Variants in EDDM13 observed in about 807,000 individuals in gnomAD.
The protein encoded by EDDM13 is epididymal protein 13.
EDDM13 carries 24 observed loss-of-function variants against 17.8 expected under a neutral mutation model. The ratio of observed to expected loss-of-function variants is 1.35; its 90% CI spans 0.98 to 1.90. The LOEUF is 1.90. Ranked by LOEUF, EDDM13 falls within the 40% of genes most tolerant of loss-of-function variation. The pLI is 0.00. For synonymous variants in EDDM13, 31 were observed against 37.5 expected (o/e 0.83, Z 0.63); for missense variants, 97 against 100.8 (o/e 0.96, Z 0.16).
chr19:56,280,124 C>T (rs1210129896), intron 2 of EDDM13, among the ~76,000 whole-genome samples: 2 of 152,096 alleles, frequency 1.3e-5, no homozygotes, highest in Non-Finnish European at 2.9e-5. Flanking sequence ...CAAGTAGAAA[C>T]AAATGTGTAT....
intron 9 of EDDM13, among the ~76,000 whole-genome samples, chr19:56,293,058 C>T (rs113219471): frequency 0.029 from 4,352 of 152,294 alleles, 70 homozygotes; most frequent in Middle Eastern, 0.071. Flanking sequence ...AGTTCTGAGA[C>T]ACCATCCTGT....
chr19:56,300,887 T>C (rs2040181389), intron 12 of EDDM13, among the ~76,000 whole-genome samples: 2 of 152,310 alleles, frequency 1.3e-5, no homozygotes, highest in African/African-American at 4.8e-5. Context: ...AGAAACACTC[T>C]TGCACCTCAT....
chr19:56,302,516 T>C (rs369396991), intron 13 of EDDM13, among the ~76,000 whole-genome samples: 887 of 70,508 alleles, frequency 0.013, 26 homozygotes, highest in African/African-American at 0.052. Context: ...CTTCTTTCCT[T>C]CCTCCCTCCC....
intron 6 of EDDM13, among the ~76,000 whole-genome samples, chr19:56,286,860 G>A (rs2039163320): frequency 6.6e-6 from 1 of 152,218 alleles, no homozygotes; most frequent in African/African-American, 2.4e-5. Flanking sequence ...GCGAATGCTA[G>A]TGGGGCTTCC....
At position 56,281,748 on chromosome 19, in the gene EDDM13, C is replaced by T. The variant is rs1273294847; in HGVS notation, c.109+50C>T. 7.2e-6 allele frequency: 7 copies of T among 976,786 alleles called. No homozygotes were observed. In the African/African-American group the frequency reaches 1.2e-4, roughly 17 times the overall value. 60.5% of individuals were successfully genotyped at this position (976,786 alleles called of 1,614,324 possible). A position where few individuals can be genotyped will look rare whatever the true frequency, so the allele number is the denominator to read the frequency against. Reference sequence around the variant, plus strand: ...CATAAATGGGGAGCCCGCCCTTCAACCTAGAGAAGGAAGGGAATGAAAGAG... The same window carrying T: ...CATAAATGGGGAGCCCGCCCTTCAATCTAGAGAAGGAAGGGAATGAAAGAG... On this transcript the variant is annotated intron_variant, in intron 3 of 14. Transcript: ENST00000649256.
rs1284918666 is a variant in EDDM13 at position 56,284,204 on chromosome 19, T to C, written c.125T>C (p.Ile42Thr). ...KEKINLLKGI[I>T]GLMSRLSPDG... is the part of the protein sequence containing the mutation. ...CTGGATGGGCTGCCATCAGGGATCA[T>C]AGGTAAGTACCTTGCCACTTCACAA... The change falls in exon 5 of 15, where the codon ATA becomes ACA. Residue 42 changes from isoleucine to threonine, a missense_variant and splice_region_variant. By Grantham distance (89) the Ile-to-Thr change is moderately conservative. Transcript: ENST00000649256. 5.1e-6 allele frequency: 5 copies of C among 985,074 alleles called. No individual in the cohort carries two copies. The African/African-American group carries it at 5.3e-5, about 10-fold the overall frequency. The allele number at this position is 985,074 out of a possible 1,614,324, so 61.0% of individuals were successfully genotyped here.
chr19:56,292,994 T>C (rs977908250), intron 9 of EDDM13, among the ~76,000 whole-genome samples: 2 of 152,214 alleles, frequency 1.3e-5, no homozygotes, highest in Non-Finnish European at 2.9e-5. Flanking sequence ...GATTCTACCT[T>C]TCGGCTGAGG....
intron 12 of EDDM13, among the ~76,000 whole-genome samples, chr19:56,300,761 T>C (rs192002359): frequency 4.6e-5 from 7 of 152,340 alleles, no homozygotes; most frequent in African/African-American, 1.4e-4. Flanking sequence ...TAATGTTTTA[T>C]TTTTTGATTG....
chr19:56,276,933 CAAAT>C (rs2038310441), intron 2 of EDDM13, among the ~76,000 whole-genome samples: 2 of 151,862 alleles, frequency 1.3e-5, no homozygotes, highest in Non-Finnish European at 2.9e-5. Context: ...TTTACAAATA[CAAAT>C]ACTTATATTT....
chr19:56,279,867 T>G (rs1246996313), intron 2 of EDDM13, among the ~76,000 whole-genome samples: 1 of 152,172 alleles, frequency 6.6e-6, no homozygotes, highest in Non-Finnish European at 1.5e-5. Context: ...TTAAATTATT[T>G]TATTAATATT....
At chr19:56,295,591 T>C (rs1189142518) in intron 9 of EDDM13, among the ~76,000 whole-genome samples, 3 of 151,914 alleles carry the variant, frequency 2.0e-5, no homozygotes, top group Non-Finnish European at 4.4e-5. Context: ...CAAGACTCCG[T>C]CTAAAAAACA....
intron 1 of EDDM13, chr19:56,274,497 G>A (rs1376129040): frequency 1.3e-5 from 2 of 151,384 alleles, no homozygotes; most frequent in South Asian, 2.1e-4. Context: ...AGAGGAACAC[G>A]TTTTTTAAAA....
intron 6 of EDDM13, among the ~76,000 whole-genome samples, chr19:56,285,642 T>C (rs964754042): frequency 2.0e-5 from 3 of 152,108 alleles, no homozygotes; most frequent in African/African-American, 7.2e-5. Flanking sequence ...TAAATTATTA[T>C]TATTATTTTT....
intron 14 of EDDM13, among the ~76,000 whole-genome samples, chr19:56,309,735 C>T (rs2040914470): frequency 6.6e-6 from 1 of 152,200 alleles, no homozygotes. Flanking sequence ...GCGGGGCGCG[C>T]CCTCTAGTGG....
chr19:56,275,082 G>A (rs1263567677), intron 1 of EDDM13, among the ~76,000 whole-genome samples: 3 of 152,186 alleles, frequency 2.0e-5, no homozygotes, highest in Admixed American at 6.5e-5. Flanking sequence ...ATGTTGATGT[G>A]TCTTATTACC....
Position 56,302,779 on chromosome 19 carries a change from TC to T in EDDM13, c.423+686del, listed in dbSNP as rs1272216678. The T allele has an allele frequency of 3.8e-5, 15 of 396,974 alleles. No individual in the cohort carries two copies. The South Asian group carries it at 3.9e-4, about 10-fold the overall frequency. 24.6% of individuals were successfully genotyped at this position (396,974 alleles called of 1,614,324 possible). A position where few individuals can be genotyped will look rare whatever the true frequency, so the allele number is the denominator to read the frequency against. The stretch of plus-strand genomic sequence containing the variant: ...TCTGCACTAACACAGCCCCAGGGGC[TC>T]CTTTGAAATACTGTCACTCATTCTG... On this transcript the variant is annotated intron_variant, in intron 13 of 14. Transcript: ENST00000649256.
intron 4 of EDDM13, chr19:56,283,278 A>T (rs997437708): frequency 1.3e-5 from 2 of 151,912 alleles, no homozygotes; most frequent in African/African-American, 4.9e-5. Context: ...ATTATTACGT[A>T]CTTCATATTA....
intron 14 of EDDM13, among the ~76,000 whole-genome samples, chr19:56,305,734 G>C (rs180678785): frequency 3.9e-5 from 6 of 152,252 alleles, no homozygotes; most frequent in Non-Finnish European, 7.3e-5. Flanking sequence ...TAGAGCTAGA[G>C]GAAAAGCTGA....
chr19:56,281,451 C>T lies in EDDM13; in HGVS notation c.104-242C>T, dbSNP rs142075032. On this transcript the variant is annotated intron_variant, in intron 2 of 14. Coordinates refer to ENST00000649256, the MANE Select transcript of EDDM13 (RefSeq NM_001354658.2). ...AAGTTAAAGAAGGGTTTCTAACACTCGTGCCACTACAATGCTATCGCTGTA... is the reference window on the plus strand; with the variant it reads ...AAGTTAAAGAAGGGTTTCTAACACTTGTGCCACTACAATGCTATCGCTGTA... Among the ~76,000 whole-genome samples, 221 of 152,242 alleles carry T rather than the reference C, an allele frequency of 1.5e-3. 1 individual carries two copies. Among genetic ancestry groups the T allele is most frequent in the African/African-American group, 5.0e-3 (207 of 41,546 alleles).
Sources: gnomAD v4.1 joint callset for allele counts (sites outside exome capture counted in the v4.1 genomes callset) on GRCh38, gnomAD v4.1.1 for gene constraint, MANE v1.5 for transcripts, NCBI Gene and HGNC (gene_info 2026-07-23, HGNC 2026-07-21) for gene names.